Variants in PCDHA12 observed in about 807,000 individuals in gnomAD.
The protein encoded by PCDHA12 is protocadherin alpha 12, also known as protocadherin alpha-12.
PCDHA12 carries 44 observed loss-of-function variants against 60.0 expected under a neutral mutation model. That is an observed-to-expected ratio of 0.73 (90% CI 0.58 to 0.94). The LOEUF is 0.94. Ranked by LOEUF, PCDHA12 falls within the 40% of genes least tolerant of loss-of-function variation. PCDHA12 has a pLI of 0.00. For synonymous variants in PCDHA12, 569 were observed against 553.0 expected (o/e 1.03, Z -0.40); for missense variants, 1,276 against 1,239.7 (o/e 1.03, Z -0.44).
chr5:141,010,296 G>C lies in PCDHA12; in HGVS notation c.*359G>C. On this transcript the variant is annotated 3_prime_UTR_variant, in exon 4 of 4. Transcript: ENST00000398631. ...CTGTCTTGATGACACTTGCAGGGCA[G>C]GCTGAAAAGTTTTGAGATTGAGCAG... The C allele has an allele frequency of 1.3e-6, 2 of 1,549,428 alleles. No individual in the cohort carries two copies. The highest frequency in any genetic ancestry group is 1.7e-6 in the Non-Finnish European group (2 of 1,146,352).
At chr5:140,889,387 C>G (rs1174974313) in intron 1 of PCDHA12, among the ~76,000 whole-genome samples, 1 of 151,966 alleles carries the variant, frequency 6.6e-6, no homozygotes, top group East Asian at 1.9e-4. Context: ...AAGGACCATT[C>G]AGAGTTTAAT....
intron 1 of PCDHA12, among the ~76,000 whole-genome samples, chr5:140,931,986 C>G (rs562622204): frequency 2.0e-4 from 30 of 151,912 alleles, no homozygotes; most frequent in African/African-American, 7.0e-4. Flanking sequence ...ATATTTTGCT[C>G]AAATTCTAAG....
intron 1 of PCDHA12, chr5:140,927,923 CTCT>C: frequency 6.2e-7 from 1 of 1,614,232 alleles, no homozygotes; most frequent in East Asian, 2.2e-5. Context: ...GACTTCCTGA[CTCT>C]TTCGAACCCA....
intron 1 of PCDHA12, among the ~76,000 whole-genome samples, chr5:140,951,339 G>A (rs246043): frequency 0.56 from 85,609 of 151,878 alleles, 24,748 homozygotes; most frequent in African/African-American, 0.69. Context: ...TTCTGTTTGT[G>A]TTAGTCCATT....
At chr5:140,916,270 G>T (rs1487301756) in intron 1 of PCDHA12, among the ~76,000 whole-genome samples, 2 of 152,180 alleles carry the variant, frequency 1.3e-5, no homozygotes, top group Non-Finnish European at 2.9e-5. Context: ...GAGCATGCTT[G>T]TTGCTCTACT....
intron 1 of PCDHA12, chr5:140,968,796 C>G (rs2096270881): frequency 6.2e-7 from 1 of 1,614,220 alleles, no homozygotes; most frequent in East Asian, 2.2e-5. Context: ...GTGGCCATTA[C>G]AGTAGCTGTG....
intron 1 of PCDHA12, among the ~76,000 whole-genome samples, chr5:140,978,524 C>G (rs1554239389): frequency 2.0e-5 from 3 of 152,208 alleles, no homozygotes; most frequent in Admixed American, 6.5e-5. Context: ...TCCAGCCAGG[C>G]CAGCAGAACT....
intron 1 of PCDHA12, among the ~76,000 whole-genome samples, chr5:140,922,635 C>G (rs1403011776): frequency 6.6e-6 from 1 of 152,118 alleles, no homozygotes; most frequent in Non-Finnish European, 1.5e-5. Context: ...ATAAGCCACT[C>G]CATCAAACAG....
chr5:140,966,694 C>T, intron 1 of PCDHA12: 1 of 1,358,670 alleles, frequency 7.4e-7, no homozygotes, highest in Non-Finnish European at 9.5e-7. Context: ...GAGGCGGGGC[C>T]CGGGCGTGGG....
At chr5:140,897,759 G>A (rs1238732675) in intron 1 of PCDHA12, among the ~76,000 whole-genome samples, 7 of 152,228 alleles carry the variant, frequency 4.6e-5, no homozygotes, top group South Asian at 2.1e-4. Flanking sequence ...CTGAGGAATC[G>A]CCACACTGAC....
intron 1 of PCDHA12, among the ~76,000 whole-genome samples, chr5:140,974,423 C>T (rs2096627451): frequency 6.6e-6 from 1 of 152,166 alleles, no homozygotes; most frequent in Non-Finnish European, 1.5e-5. Flanking sequence ...ATTTTACTTT[C>T]CTGGTTTGTA....
chr5:140,877,631 C>T lies in PCDHA12; in HGVS notation c.2159C>T (p.Ala720Val). 6.2e-7 allele frequency: 1 copy of T among 1,613,768 alleles called. No individual in the cohort carries two copies. Among genetic ancestry groups the T allele is most frequent in the Non-Finnish European group, 8.5e-7 (1 of 1,179,858 alleles). Residue 720 changes from alanine to valine, a missense_variant, in exon 1 of 4, where the codon GCG (alanine) becomes GTG (valine). Transcript: ENST00000398631. The stretch of plus-strand genomic sequence containing the variant: ...GTGCTCACGCTGCTGCTGTACACTG[C>T]GCTGCGTTGCTCAGCGCCGCCCACC... ...LLVLTLLLYT[A>V]LRCSAPPTVS...
At chr5:140,984,643 C>G (rs1300632981) in intron 3 of PCDHA12, among the ~76,000 whole-genome samples, 3 of 152,152 alleles carry the variant, frequency 2.0e-5, no homozygotes, top group Non-Finnish European at 4.4e-5. Context: ...TCTGCCTTCT[C>G]CCTGTCCTTC....
At chr5:141,000,395 C>CTATATA (rs1190667031) in intron 3 of PCDHA12, among the ~76,000 whole-genome samples, 4 of 53,980 alleles carry the variant, frequency 7.4e-5, no homozygotes, top group East Asian at 6.1e-4. Context: ...CTCTCTCTCT[C>CTATATA]TATATATATA....
intron 1 of PCDHA12, among the ~76,000 whole-genome samples, chr5:140,910,650 C>T (rs565503828): frequency 6.6e-6 from 1 of 152,312 alleles, no homozygotes; most frequent in East Asian, 1.9e-4. Flanking sequence ...CCTTTTGATC[C>T]CTTCCTCTAC....
chr5:140,902,565 T>G (rs571957153), intron 1 of PCDHA12, among the ~76,000 whole-genome samples: 1 of 152,110 alleles, frequency 6.6e-6, no homozygotes. Context: ...TTTTTGAGGG[T>G]TTTTAAGATT....
chr5:140,884,802 A>G, intron 1 of PCDHA12: 1 of 1,232,140 alleles, frequency 8.1e-7, no homozygotes, highest in Non-Finnish European at 1.1e-6. Flanking sequence ...GAATTTAACA[A>G]CTCTGCTGTG....
At chr5:140,877,926 G>T (rs1554170225) in intron 1 of PCDHA12, 87 bp downstream of exon 1, 1 of 1,415,760 alleles carries the variant, frequency 7.1e-7, no homozygotes, top group East Asian at 2.5e-5. Flanking sequence ...TTTTCTTTAT[G>T]ATTCTATCCT....
Position 141,009,608 on chromosome 5 carries a change from G to T in PCDHA12, c.2516-19G>T, listed in dbSNP as rs1350951999. On this transcript the variant is annotated intron_variant, in intron 3 of 3. Coordinates refer to ENST00000398631, the MANE Select transcript of PCDHA12 (RefSeq NM_018903.4). Reference sequence around the variant, plus strand: ...CATGTGTTGACCCTGTTAATGATTTGTAATGTTTTGTCTTTCAGAACCAGA... The same window carrying T: ...CATGTGTTGACCCTGTTAATGATTTTTAATGTTTTGTCTTTCAGAACCAGA... 1 of 1,610,774 alleles carries T rather than the reference G, an allele frequency of 6.2e-7. No individual in the cohort carries two copies. The highest frequency in any genetic ancestry group is 2.2e-5 in the East Asian group (1 of 44,832).
Sources: allele counts gnomAD v4.1 joint callset (sites outside exome capture counted in the v4.1 genomes callset), GRCh38; gene constraint gnomAD v4.1.1; transcripts MANE v1.5; gene names NCBI Gene and HGNC (gene_info 2026-07-23, HGNC 2026-07-21).